The following SLC24A3 variants were observed in gnomAD, a reference collection of about 807,000 sequenced individuals.
SLC24A3 encodes the protein solute carrier family 24 member 3.
A neutral mutation model predicts 75.8 loss-of-function variants in SLC24A3; 28 were observed. That is an observed-to-expected ratio of 0.37 (90% CI 0.27 to 0.51). The LOEUF (loss-of-function observed/expected upper bound fraction) is 0.51. Among genes scored for constraint, SLC24A3 ranks in the 20% least tolerant of loss-of-function variants. The probability of loss-of-function intolerance (pLI) is 0.94; values close to 1 mark genes in which losing one functional copy is unlikely to be tolerated. For missense variants in SLC24A3, 663 were observed against 847.8 expected (o/e 0.78, Z 2.71); for synonymous variants, 372 against 334.1 (o/e 1.11, Z -1.24).
intron 9 of SLC24A3, among the ~76,000 whole-genome samples, chr20:19,674,480 C>G (rs2032501965): frequency 6.6e-6 from 1 of 152,184 alleles, no homozygotes; most frequent in Non-Finnish European, 1.5e-5. Context: ...ACCACATGGG[C>G]TCCTCCCTAG....
At chr20:19,584,090 A>T (rs531077596) in intron 4 of SLC24A3, among the ~76,000 whole-genome samples, 55 of 152,372 alleles carry the variant, frequency 3.6e-4, no homozygotes, top group African/African-American at 1.3e-3. Context: ...ATTCACTGGC[A>T]GCCAGCAGCA....
chr20:19,665,938 G>A, intron 8 of SLC24A3, 49 bp downstream of exon 8: 1 of 1,589,002 alleles, frequency 6.3e-7, no homozygotes. Flanking sequence ...ATGTTGCAGA[G>A]CCAAATATAT....
intron 2 of SLC24A3, among the ~76,000 whole-genome samples, chr20:19,370,158 A>AG (rs1453028119): frequency 6.6e-6 from 1 of 152,240 alleles, no homozygotes; most frequent in African/African-American, 2.4e-5. Context: ...AAGCCATGGA[A>AG]GTGGTTGTAA....
chr20:19,344,868 C>A (rs1192529726), intron 2 of SLC24A3, among the ~76,000 whole-genome samples: 2 of 152,106 alleles, frequency 1.3e-5, no homozygotes, highest in Non-Finnish European at 2.9e-5. Flanking sequence ...ACATGGAGGG[C>A]TTAACAGTGA....
chr20:19,258,484 T>G (rs1260607141), intron 1 of SLC24A3, among the ~76,000 whole-genome samples: 1 of 152,166 alleles, frequency 6.6e-6, no homozygotes, highest in Non-Finnish European at 1.5e-5. Flanking sequence ...GGTGGGCGGA[T>G]CACGAGGTCA....
intron 2 of SLC24A3, among the ~76,000 whole-genome samples, chr20:19,511,604 G>T (rs1360788888): frequency 6.6e-6 from 1 of 152,206 alleles, no homozygotes; most frequent in Non-Finnish European, 1.5e-5. Context: ...TGGGATTACA[G>T]GCGTGAGCCA....
chr20:19,522,388 C>A (rs2030114307), intron 3 of SLC24A3, among the ~76,000 whole-genome samples: 1 of 152,156 alleles, frequency 6.6e-6, no homozygotes, highest in African/African-American at 2.4e-5. Flanking sequence ...CTTACCAAAA[C>A]AAGGGAAGGA....
At chr20:19,669,534 C>T (rs1205207933) in intron 8 of SLC24A3, among the ~76,000 whole-genome samples, 2 of 151,806 alleles carry the variant, frequency 1.3e-5, no homozygotes, top group East Asian at 1.9e-4. Flanking sequence ...GTGTCAGAGG[C>T]CCACATATTA....
At chr20:19,408,197 A>G (rs1027362292) in intron 2 of SLC24A3, among the ~76,000 whole-genome samples, 2 of 152,250 alleles carry the variant, frequency 1.3e-5, no homozygotes, top group East Asian at 1.9e-4. Context: ...GTTGTAAAAC[A>G]CTAAAGTACC....
At chr20:19,586,853 G>T (rs1040364716) in intron 6 of SLC24A3, among the ~76,000 whole-genome samples, 4 of 152,208 alleles carry the variant, frequency 2.6e-5, no homozygotes, top group African/African-American at 4.8e-5. Context: ...CAGCTCCTTA[G>T]ACTGAATGAT....
chr20:19,362,588 G>A (rs994483886), intron 2 of SLC24A3, among the ~76,000 whole-genome samples: 4 of 152,226 alleles, frequency 2.6e-5, no homozygotes, highest in African/African-American at 4.8e-5. Context: ...CTGTGAAGGA[G>A]GAGAATGAAT....
chr20:19,656,557 C>T (rs1042756800), intron 7 of SLC24A3, among the ~76,000 whole-genome samples: 1 of 152,344 alleles, frequency 6.6e-6, no homozygotes, highest in African/African-American at 2.4e-5. Context: ...TGCACAAACC[C>T]ACACTGACTG....
intron 2 of SLC24A3, among the ~76,000 whole-genome samples, chr20:19,357,513 TG>T (rs1177643284): frequency 2.0e-5 from 3 of 152,236 alleles, no homozygotes; most frequent in Non-Finnish European, 4.4e-5. Context: ...TGCTGCATTA[TG>T]GATATTAATT....
At chr20:19,465,596 T>C (rs1987751872) in intron 2 of SLC24A3, among the ~76,000 whole-genome samples, 1 of 152,174 alleles carries the variant, frequency 6.6e-6, no homozygotes, top group Non-Finnish European at 1.5e-5. Flanking sequence ...AACTCATGCA[T>C]GAGTCTGGGG....
chr20:19,578,431 T>C (rs1239982320), intron 3 of SLC24A3, among the ~76,000 whole-genome samples: 2 of 152,068 alleles, frequency 1.3e-5, no homozygotes, highest in Non-Finnish European at 2.9e-5. Context: ...GTTTTCTCTA[T>C]ATGACAGCTG....
rs535575403 is a variant in SLC24A3 at position 19,661,297 on chromosome 20, T to C, written c.688-4567T>C. ...TCCCTGCCCTTCTGCAACCACAACC[T>C]TCATCAATCAAGCCTATAAGACATC... On this transcript the variant is annotated intron_variant, in intron 7 of 16. Coordinates refer to ENST00000328041, the MANE Select transcript of SLC24A3 (RefSeq NM_020689.4). 2.6e-5 allele frequency among the ~76,000 whole-genome samples: 4 copies of C among 152,254 alleles called. No individual in the cohort carries two copies. In the South Asian group the frequency reaches 8.3e-4, roughly 32 times the overall value.
At chr20:19,382,238 ACTT>A (rs1276223772) in intron 2 of SLC24A3, among the ~76,000 whole-genome samples, 1 of 152,130 alleles carries the variant, frequency 6.6e-6, no homozygotes, top group African/African-American at 2.4e-5. Flanking sequence ...GGAAAATCGC[ACTT>A]CTTATCTGTG....
chr20:19,470,023 C>T (rs188646883), intron 2 of SLC24A3, among the ~76,000 whole-genome samples: 4 of 152,266 alleles, frequency 2.6e-5, no homozygotes, highest in South Asian at 2.1e-4. Context: ...GCTTGAGAAC[C>T]GCCGGCAAGC....
intron 6 of SLC24A3, among the ~76,000 whole-genome samples, chr20:19,650,710 A>G (rs2032192258): frequency 6.6e-6 from 1 of 151,976 alleles, no homozygotes; most frequent in Non-Finnish European, 1.5e-5. Flanking sequence ...TATTCTGCTT[A>G]GTTTATTATT....
Sources: allele counts gnomAD v4.1 joint callset (sites outside exome capture counted in the v4.1 genomes callset), GRCh38; gene constraint gnomAD v4.1.1; transcripts MANE v1.5; gene names NCBI Gene and HGNC (gene_info 2026-07-23, HGNC 2026-07-21).